NKX2-1: variants seen among roughly 807,000 people sequenced by gnomAD.
NKX2-1 encodes NK2 homeobox 1.
In NKX2-1, 9 loss-of-function variants were observed where a neutral mutation model predicts 35.1. The observed-to-expected ratio is 0.26, with a 90% confidence interval of 0.15 to 0.45. The LOEUF is 0.45. Ranked by LOEUF, NKX2-1 falls within the 20% of genes least tolerant of loss-of-function variation. The pLI is 1.00. For synonymous variants in NKX2-1, 284 were observed against 269.9 expected (o/e 1.05, Z -0.51); for missense variants, 509 against 589.1 (o/e 0.86, Z 1.41).
chr14:36,517,670 TGCCCCCGCCGCCCCC>T lies in NKX2-1; in HGVS notation c.799_813del (p.Gly267_Gly271del). 1 of 1,551,474 alleles carries T rather than the reference TGCCCCCGCCGCCCCC, an allele frequency of 6.4e-7. No individual in the cohort carries two copies. Among genetic ancestry groups the T allele is most frequent in the Admixed American group, 1.9e-5 (1 of 51,582 alleles). On this transcript the variant is annotated inframe_deletion, in exon 3 of 3. Coordinates refer to ENST00000354822, the MANE Select transcript of NKX2-1 (RefSeq NM_001079668.3). ...GCCTGTTGCTGCTGCGGGCACCCGG[TGCCCCCGCCGCCCCC>T]GCCGCCGCCGCTGTCCTGCTGCAGT...
chr14:36,517,127 C>T lies in NKX2-1; in HGVS notation c.*151G>A. On this transcript the variant is annotated 3_prime_UTR_variant, in exon 3 of 3. Transcript: ENST00000354822. ...AAAAGAAAGACGTCCAGCAGTTTGG[C>T]CTTTGTGGTTTTTTTGTTCCTTGGT... 1.5e-6 allele frequency: 2 copies of T among 1,350,880 alleles called. No individual in the cohort carries two copies. Among genetic ancestry groups the T allele is most frequent in the Non-Finnish European group, 1.9e-6 (2 of 1,027,216 alleles). The allele number at this position is 1,350,880 out of a possible 1,614,324, so 83.7% of individuals were successfully genotyped here.
rs756395940 is a variant in NKX2-1, at chr14:36,519,083, C to A, written c.365G>T (p.Gly122Val). 4.4e-6 allele frequency: 7 copies of A among 1,601,976 alleles called. No individual in the cohort carries two copies. Among genetic ancestry groups the A allele is most frequent in the Middle Eastern group, 1.7e-4 (1 of 6,040 alleles). ...GTACGGCGGCAGCTCGCTCATGTTG[C>A]CCAGGTTGCCGTTGCAGTAGCCCCC... ...AVGGYCNGNLGNMSELPPYQD... is the reference protein window; with the variant it reads ...AVGGYCNGNLVNMSELPPYQD... Residue 122 changes from glycine to valine, a missense_variant, in exon 2 of 3, where the codon GGC becomes GTC. Around this residue, in one of 5 missense-constraint regions of NKX2-1, gnomAD observed 271 missense variants for 284.1 expected, o/e 0.95. Coordinates refer to ENST00000354822, the MANE Select transcript of NKX2-1 (RefSeq NM_001079668.3).
chr14:36,519,796 T>G (rs1322314360), intron 1 of NKX2-1: 1 of 1,419,792 alleles, frequency 7.0e-7, no homozygotes, highest in Admixed American at 2.5e-5. Flanking sequence ...ACCCCCATTT[T>G]TTGTGGGGTA....
intron 1 of NKX2-1, chr14:36,519,677 A>G: frequency 2.0e-6 from 3 of 1,518,168 alleles, no homozygotes; most frequent in Non-Finnish European, 2.6e-6. Flanking sequence ...TGCTGATGAC[A>G]AGGTAAACAC....
rs879194477 is a variant in NKX2-1, at chr14:36,517,100, A to G, written c.*178T>C. 4.5e-5 allele frequency: 31 copies of G among 692,622 alleles called. No homozygotes were observed. The highest frequency in any genetic ancestry group is 3.8e-4 in the African/African-American group (22 of 57,908). 42.9% of individuals were successfully genotyped at this position (692,622 alleles called of 1,614,324 possible). On this transcript the variant is annotated 3_prime_UTR_variant, in exon 3 of 3. Coordinates refer to ENST00000354822, the MANE Select transcript of NKX2-1 (RefSeq NM_001079668.3). ...AAAACCCACAAATTTTAGGGGGGGAAAAAAAGAAAGACGTCCAGCAGTTTG... is the reference window on the plus strand; with the variant it reads ...AAAACCCACAAATTTTAGGGGGGGAGAAAAAGAAAGACGTCCAGCAGTTTG...
rs1325836054 is a variant in NKX2-1 at position 36,517,861 on chromosome 14, C to T, written c.623G>A (p.Arg208Gln). The T allele has an allele frequency of 1.2e-6, 2 of 1,612,100 alleles. No individual in the cohort carries two copies. The highest frequency in any genetic ancestry group is 1.7e-5 in the Admixed American group (1 of 59,810). Reference protein sequence around the residue: ...FSQAQVYELERRFKQQKYLSA... With the variant: ...FSQAQVYELEQRFKQQKYLSA... ...CAGGTACTTCTGTTGCTTGAAGCGT[C>T]GCTCCAGCTCGTACACCTGCGCCTG... The change falls in exon 3 of 3, where the codon CGA becomes CAA. Residue 208 changes from arginine to glutamine, a missense_variant. Physicochemically the swap from Arg to Gln is conservative, Grantham distance 43 (BLOSUM62 1). Transcript: ENST00000354822.
rs2139406134 is a variant in NKX2-1, at chr14:36,517,497, CGCCTGCGCG to C, written c.978_986del (p.Gln328_Ala330del). On this transcript the variant is annotated inframe_deletion, in exon 3 of 3. Coordinates refer to ENST00000354822, the MANE Select transcript of NKX2-1 (RefSeq NM_001079668.3). Reference sequence around the variant, plus strand: ...TGCCCACGGAGATGGCCGCTGCCGCCGCCTGCGCGGCCTGCGCCTGGTGCTGCGCCTGCT... The same window carrying C: ...TGCCCACGGAGATGGCCGCTGCCGCCGCCTGCGCCTGGTGCTGCGCCTGCT... 1.5e-6 allele frequency: 2 copies of C among 1,348,058 alleles called. No homozygotes were observed. The highest frequency in any genetic ancestry group is 1.9e-6 in the Non-Finnish European group (2 of 1,056,434). 83.5% of individuals were successfully genotyped at this position (1,348,058 alleles called of 1,614,324 possible).
Position 36,518,751 on chromosome 14 carries a change from G to C in NKX2-1, c.463+234C>G, listed in dbSNP as rs1000818307. The stretch of plus-strand genomic sequence containing the variant: ...TGCCAGTCCACCGCGCCTAGGAGAC[G>C]CCGAGTACCCGCATCTGACCGCAGG... On this transcript the variant is annotated intron_variant, in intron 2 of 2. Coordinates refer to ENST00000354822, the MANE Select transcript of NKX2-1 (RefSeq NM_001079668.3). Among the ~76,000 whole-genome samples, 5 of 152,274 alleles carry C rather than the reference G, an allele frequency of 3.3e-5. No homozygotes were observed. In the East Asian group the frequency reaches 7.8e-4, roughly 24 times the overall value.
In NKX2-1 at chr14:36,520,147, A is replaced by G. The variant is rs2139414973; in HGVS notation, c.-18T>C. The G allele has an allele frequency of 6.2e-7, 1 of 1,612,408 alleles. No individual in the cohort carries two copies. Among genetic ancestry groups the G allele is most frequent in the Non-Finnish European group, 8.5e-7 (1 of 1,179,760 alleles). ...GACCACATCGGGCTTCGCTGCGCTG[A>G]GCCCCAGTCGCCAACAAATGAGCGA... On this transcript the variant is annotated 5_prime_UTR_variant, in exon 1 of 3. Coordinates refer to ENST00000354822, the MANE Select transcript of NKX2-1 (RefSeq NM_001079668.3).
At position 36,519,257 on chromosome 14, in the gene NKX2-1, A is replaced by G. The variant is rs2139412547; in HGVS notation, c.191T>C (p.Leu64Pro). Residue 64 changes from leucine to proline, a missense_variant, in exon 2 of 3, where the codon CTC becomes CCC. Around this residue, in one of 5 missense-constraint regions of NKX2-1, gnomAD observed 271 missense variants for 284.1 expected, o/e 0.95. Transcript: ENST00000354822. ...YKKVGMEGGG[L>P]GAPLAAYRQG... The stretch of plus-strand genomic sequence containing the variant: ...CCTGTACGCCGCCAGCGGAGCCCCG[A>G]GGCCGCCGCCCTCCATGCCCACTTT... 1.2e-6 allele frequency: 2 copies of G among 1,610,334 alleles called. No homozygotes were observed. Among genetic ancestry groups the G allele is most frequent in the Middle Eastern group, 1.7e-4 (1 of 6,056 alleles).
Position 36,519,232 on chromosome 14 carries a change from C to A in NKX2-1, c.216G>T (p.Arg72Ser), listed in dbSNP as rs1271885366. 1.2e-6 allele frequency: 2 copies of A among 1,608,320 alleles called. No individual in the cohort carries two copies. Among genetic ancestry groups the A allele is most frequent in the African/African-American group, 2.7e-5 (2 of 74,864 alleles). ...CTGTTGGCGGTGCCGCCTGGCCCTGCCTGTACGCCGCCAGCGGAGCCCCGA... is the reference window on the plus strand; with the variant it reads ...CTGTTGGCGGTGCCGCCTGGCCCTGACTGTACGCCGCCAGCGGAGCCCCGA... The part of the protein sequence containing the change: ...GGLGAPLAAY[R>S]QGQAAPPTAA... Residue 72 changes from arginine (R) to serine (S), a missense_variant, in exon 2 of 3, where the codon AGG (arginine) becomes AGT (serine). By Grantham distance (110) the Arg-to-Ser change is moderately radical (BLOSUM62 -1). Coordinates refer to ENST00000354822, the MANE Select transcript of NKX2-1 (RefSeq NM_001079668.3).
chr14:36,519,494 A>T (rs1881242542), intron 1 of NKX2-1, 124 bp from the exon 2 acceptor site: 7 of 1,541,362 alleles, frequency 4.5e-6, no homozygotes, highest in Non-Finnish European at 6.1e-6. Context: ...TTGGATGTAC[A>T]CGTAACGGAG....
At position 36,516,649 on chromosome 14, in the gene NKX2-1, C is replaced by G. The variant is rs1881029048; in HGVS notation, c.*629G>C. On this transcript the variant is annotated 3_prime_UTR_variant, in exon 3 of 3. Coordinates refer to ENST00000354822, the MANE Select transcript of NKX2-1 (RefSeq NM_001079668.3). ...ACTAGGCATTTAGTCCAACTTTTGA[C>G]AGCGTTTTACAGCTACAAGTTCACA... 4.4e-6 allele frequency: 1 copy of G among 228,210 alleles called. No homozygotes were observed. Among genetic ancestry groups the G allele is most frequent in the East Asian group, 6.3e-5 (1 of 15,812 alleles). 14.1% of individuals were successfully genotyped at this position (228,210 alleles called of 1,614,324 possible).
chr14:36,517,443 C>T lies in NKX2-1; in HGVS notation c.1041G>A (p.Pro347=), dbSNP rs759803882. 21 of 1,496,420 alleles carry T rather than the reference C, an allele frequency of 1.4e-5. No homozygotes were observed. The South Asian group carries it at 2.2e-4, about 16-fold the overall frequency. The allele number at this position is 1,496,420 out of a possible 1,614,324, so 92.7% of individuals were successfully genotyped here. Residue 347 remains proline (P), a synonymous_variant, in exon 3 of 3, where the codon CCG becomes CCA. Coordinates refer to ENST00000354822, the MANE Select transcript of NKX2-1 (RefSeq NM_001079668.3). ...GGCCTGCGCTGCCTGGCTGGTGGCC[C>T]GGGTGTGCGCCAAGGCCGGCGCCAC... is the stretch of plus-strand genomic sequence containing the variant. ...GSGGAGLGAH[P]GHQPGSAGQS... is the part of the protein sequence containing the mutation.
Position 36,519,113 on chromosome 14 carries a change from G to A in NKX2-1, c.335C>T (p.Ala112Val). Residue 112 changes from alanine to valine, a missense_variant, in exon 2 of 3, where the codon GCC (alanine) becomes GTC (valine). Coordinates refer to ENST00000354822, the MANE Select transcript of NKX2-1 (RefSeq NM_001079668.3). ...GTTGCCGTTGCAGTAGCCCCCCACG[G>A]CGGAGTGCGAGAGCTGGGGCACCCC... ...AAGVPQLSHSAVGGYCNGNLG... is the reference protein window; with the variant it reads ...AAGVPQLSHSVVGGYCNGNLG... The A allele has an allele frequency of 1.2e-6, 2 of 1,605,188 alleles. No individual in the cohort carries two copies. The highest frequency in any genetic ancestry group is 1.3e-5 in the African/African-American group (1 of 74,984).
At position 36,517,689 on chromosome 14, in the gene NKX2-1, G is replaced by A. The variant is rs1184723732; in HGVS notation, c.795C>T (p.Gly265=). 3 of 1,570,054 alleles carry A rather than the reference G, an allele frequency of 1.9e-6. No individual in the cohort carries two copies. The highest frequency in any genetic ancestry group is 2.2e-4 in the Middle Eastern group (1 of 4,484). The stretch of plus-strand genomic sequence containing the variant: ...ACCCGGTGCCCCCGCCGCCCCCGCC[G>A]CCGCCGCTGTCCTGCTGCAGTTGCT... The part of the protein sequence containing the change: ...AQQQLQQDSG[G]GGGGGGTGCP... The change falls in exon 3 of 3, where the codon GGC becomes GGT. Residue 265 remains glycine, a synonymous_variant. Coordinates refer to ENST00000354822, the MANE Select transcript of NKX2-1 (RefSeq NM_001079668.3).
chr14:36,520,063 CG>C lies in NKX2-1; in HGVS notation c.66del (p.Gly23AlafsTer11). On this transcript the variant is annotated frameshift_variant, in exon 1 of 3. Transcript: ENST00000354822. LOFTEE classifies it high-confidence loss of function. ...GGGTGGGGGTTTCACCTGAGCCTGC[CG>C]GGGCTGCTCCTCCCTCCCGCCGCGG... ...WEAAAGGRSS[P>X]GRLSRRRIMS... 2 of 1,612,898 alleles carry C rather than the reference CG, an allele frequency of 1.2e-6. No individual in the cohort carries two copies. The highest frequency in any genetic ancestry group is 1.7e-6 in the Non-Finnish European group (2 of 1,179,842).
chr14:36,517,576 C>T lies in NKX2-1; in HGVS notation c.908G>A (p.Gly303Asp). 2 of 1,488,860 alleles carry T rather than the reference C, an allele frequency of 1.3e-6. No homozygotes were observed. The highest frequency in any genetic ancestry group is 1.8e-6 in the Non-Finnish European group (2 of 1,127,336). The allele number at this position is 1,488,860 out of a possible 1,614,324, so 92.2% of individuals were successfully genotyped here. ...GCTGGCGGCGCCCGGCGCGGGGGCA[C>T]CCGCCTGGCACGGTTTGCCGTCTTT... ...LVKDGKPCQA[G>D]APAPGAASLQ... Residue 303 changes from glycine to aspartate, a missense_variant, in exon 3 of 3, where the codon GGT becomes GAT. By Grantham distance (94) the Gly-to-Asp change is moderately conservative. Coordinates refer to ENST00000354822, the MANE Select transcript of NKX2-1 (RefSeq NM_001079668.3).
chr14:36,518,303 G>A (rs976961768), intron 2 of NKX2-1, among the ~76,000 whole-genome samples: 1 of 152,098 alleles, frequency 6.6e-6, no homozygotes, highest in Non-Finnish European at 1.5e-5. Flanking sequence ...TGGGGGAAAG[G>A]CCGCTTCTGC....
Sources: gnomAD v4.1 joint callset for allele counts (sites outside exome capture counted in the v4.1 genomes callset) on GRCh38, gnomAD v4.1.1 for gene constraint, gnomAD v4.1.1 regional missense constraint, MANE v1.5 for transcripts, NCBI Gene and HGNC (gene_info 2026-07-23, HGNC 2026-07-21) for gene names.